Variants in PEAK1 observed in about 807,000 individuals in gnomAD.
The protein encoded by PEAK1 is inactive tyrosine-protein kinase PEAK1.
PEAK1 carries 54 observed loss-of-function variants against 124.7 expected under a neutral mutation model. The ratio of observed to expected loss-of-function variants is 0.43; its 90% CI spans 0.35 to 0.54. The LOEUF is 0.54. Among genes scored for constraint, PEAK1 ranks in the 20% least tolerant of loss-of-function variants. PEAK1 has a pLI of 0.01. For synonymous variants in PEAK1, 719 were observed against 760.0 expected, an observed-to-expected ratio of 0.95 and a Z score of 0.89; for missense variants, 2,046 against 2,134.5, an observed-to-expected ratio of 0.96 and a Z score of 0.82.
At chr15:77,288,705 G>T (rs1364594136) in intron 2 of PEAK1, among the ~76,000 whole-genome samples, 2 of 152,182 alleles carry the variant, frequency 1.3e-5, no homozygotes, top group East Asian at 3.8e-4. Context: ...CACTTTGGGA[G>T]GCCGAGGCAG....
intron 5 of PEAK1, among the ~76,000 whole-genome samples, chr15:77,281,695 A>G (rs1254552821): frequency 2.6e-5 from 4 of 152,174 alleles, no homozygotes; most frequent in African/African-American, 9.7e-5. Context: ...TAATTTTTGA[A>G]TATTTATGAA....
At chr15:77,380,515 G>A (rs1462341330) in intron 1 of PEAK1, among the ~76,000 whole-genome samples, 1 of 152,128 alleles carries the variant, frequency 6.6e-6, no homozygotes, top group Non-Finnish European at 1.5e-5. Flanking sequence ...TTCTTACTCT[G>A]CTACCCAGCC....
At chr15:77,267,667 G>C (rs1346833252) in intron 5 of PEAK1, among the ~76,000 whole-genome samples, 1 of 152,170 alleles carries the variant, frequency 6.6e-6, no homozygotes, top group Non-Finnish European at 1.5e-5. Flanking sequence ...AAAGGGAAGA[G>C]CACCACATGA....
intron 2 of PEAK1, among the ~76,000 whole-genome samples, chr15:77,339,563 A>G (rs2066410673): frequency 6.6e-6 from 1 of 152,254 alleles, no homozygotes; most frequent in African/African-American, 2.4e-5. Context: ...TAAACATTTT[A>G]CAAGGTAACA....
At chr15:77,218,611 T>A (rs1324713930) in intron 6 of PEAK1, among the ~76,000 whole-genome samples, 1 of 152,012 alleles carries the variant, frequency 6.6e-6, no homozygotes, top group African/African-American at 2.4e-5. Flanking sequence ...TTACTATGTA[T>A]CCTAGGCTGG....
intron 8 of PEAK1, among the ~76,000 whole-genome samples, chr15:77,141,376 GC>G (rs773895025): frequency 2.6e-5 from 4 of 152,064 alleles, no homozygotes; most frequent in Non-Finnish European, 5.9e-5. Context: ...ATAAAACATC[GC>G]TGAAAGAAAC....
At chr15:77,126,190 G>A (rs981133982) in intron 9 of PEAK1, among the ~76,000 whole-genome samples, 10 of 152,168 alleles carry the variant, frequency 6.6e-5, no homozygotes, top group African/African-American at 2.4e-4. Context: ...TTTTCTTAAA[G>A]TTATGATCAT....
chr15:77,206,920 T>C (rs1286106369), intron 6 of PEAK1, among the ~76,000 whole-genome samples: 3 of 152,044 alleles, frequency 2.0e-5, no homozygotes, highest in Admixed American at 6.5e-5. Flanking sequence ...AACAGAGATA[T>C]AGATCAATGG....
intron 5 of PEAK1, among the ~76,000 whole-genome samples, chr15:77,256,916 C>T (rs2061176523): frequency 6.6e-6 from 1 of 150,442 alleles, no homozygotes; most frequent in Admixed American, 6.6e-5. Context: ...GTGATGTTCC[C>T]CTTCCTGTGT....
In PEAK1 at chr15:77,180,338, C is replaced by T. The variant is rs778630664; in HGVS notation, c.1589G>A (p.Arg530Gln). ...GCTAGAAGTCCATACTTCTTGGTAT[C>T]GAATTGCACTGGATTTTTGGAAATG... Reference protein sequence around the residue: ...SAHFQKSSAIRYQEVWTSSTS... With the variant: ...SAHFQKSSAIQYQEVWTSSTS... Residue 530 changes from arginine to glutamine, a missense_variant, in exon 7 of 10, where the codon CGA becomes CAA. Transcript: ENST00000682557. The T allele has an allele frequency of 1.7e-5, 28 of 1,613,872 alleles. No individual in the cohort carries two copies. Among genetic ancestry groups the T allele is most frequent in the Non-Finnish European group, 2.4e-5 (28 of 1,179,978 alleles).
At chr15:77,231,200 G>C (rs987488896) in intron 6 of PEAK1, among the ~76,000 whole-genome samples, 3 of 151,790 alleles carry the variant, frequency 2.0e-5, no homozygotes, top group African/African-American at 7.3e-5. Flanking sequence ...ACAGTTAATT[G>C]AGAATAGATG....
At chr15:77,214,573 A>G (rs1234614755) in intron 6 of PEAK1, among the ~76,000 whole-genome samples, 2 of 151,512 alleles carry the variant, frequency 1.3e-5, no homozygotes, top group Admixed American at 1.3e-4. Context: ...GCAGTGAGCC[A>G]AGATCGCACC....
intron 6 of PEAK1, among the ~76,000 whole-genome samples, chr15:77,208,171 T>A (rs2058751185): frequency 6.6e-6 from 1 of 152,200 alleles, no homozygotes; most frequent in Non-Finnish European, 1.5e-5. Flanking sequence ...TGACGCATCT[T>A]TAATTCAATA....
chr15:77,371,626 G>A (rs980954143), intron 1 of PEAK1, among the ~76,000 whole-genome samples: 1 of 152,092 alleles, frequency 6.6e-6, no homozygotes, highest in Non-Finnish European at 1.5e-5. Flanking sequence ...AGTGGCTCAC[G>A]CCTGCAATCC....
At chr15:77,103,386 C>A (rs921220642), downstream of PEAK1, 2 of 152,192 alleles carry the variant, frequency 1.3e-5, no homozygotes, top group Non-Finnish European at 2.9e-5. Context: ...CTCAAGTGAT[C>A]CTCCCAAAGT....
intron 7 of PEAK1, among the ~76,000 whole-genome samples, chr15:77,174,033 T>C (rs778936259): frequency 3.3e-5 from 5 of 152,234 alleles, no homozygotes; most frequent in African/African-American, 4.8e-5. Context: ...GGTATCTTTA[T>C]AGCCTTGTAC....
At chr15:77,261,652 C>T (rs988733517) in intron 5 of PEAK1, among the ~76,000 whole-genome samples, 2 of 152,086 alleles carry the variant, frequency 1.3e-5, no homozygotes, top group African/African-American at 2.4e-5. Context: ...CTGAAAGTGA[C>T]GGGGAGAATG....
intron 6 of PEAK1, among the ~76,000 whole-genome samples, chr15:77,196,621 T>C (rs1361051793): frequency 6.6e-6 from 1 of 152,146 alleles, no homozygotes; most frequent in Admixed American, 6.5e-5. Context: ...TTGTGACACA[T>C]GCATGTTAAC....
chr15:77,342,484 G>A (rs765151513), intron 2 of PEAK1, among the ~76,000 whole-genome samples: 9 of 146,384 alleles, frequency 6.1e-5, no homozygotes, highest in African/African-American at 1.0e-4. Context: ...ACAGCTCACT[G>A]CAGCTGCAAT....
Sources: gnomAD v4.1 joint callset for allele counts (sites outside exome capture counted in the v4.1 genomes callset) on GRCh38, gnomAD v4.1.1 for gene constraint, MANE v1.5 for transcripts, NCBI Gene and HGNC (gene_info 2026-07-23, HGNC 2026-07-21) for gene names.